HAPLN1: variants seen among roughly 807,000 people sequenced by gnomAD.
HAPLN1 encodes the protein hyaluronan and proteoglycan link protein 1.
In HAPLN1, 13 loss-of-function variants were observed where a neutral mutation model predicts 36.5. The ratio of observed to expected loss-of-function variants is 0.36; its 90% confidence interval spans 0.23 to 0.57. The LOEUF is 0.57. Among genes scored for constraint, HAPLN1 ranks in the 20% least tolerant of loss-of-function variants. HAPLN1 has a pLI of 0.83. For synonymous variants in HAPLN1, 202 were observed against 169.8 expected (o/e 1.19, Z -1.48); for missense variants, 407 against 439.7 (o/e 0.93, Z 0.66).
rs969217028 is a variant in HAPLN1 at position 83,683,942 on chromosome 5, C to G, written c.-26-10393G>C. Among the ~76,000 whole-genome samples, 4 of 152,088 alleles carry G rather than the reference C, an allele frequency of 2.6e-5. No homozygotes were observed. The East Asian group carries it at 7.8e-4, about 30-fold the overall frequency. On this transcript the variant is annotated intron_variant, in intron 1 of 4. Transcript: ENST00000274341. ...AAACAGGGCCCCTACTGCTGAGAAG[C>G]AAACAGAAAAGAACAAGAGCAAAAC...
chr5:83,650,016 T>A (rs1750008069), intron 3 of HAPLN1, among the ~76,000 whole-genome samples: 2 of 152,212 alleles, frequency 1.3e-5, no homozygotes, highest in Non-Finnish European at 1.5e-5. Flanking sequence ...GGAGGCAGAT[T>A]TAACAGCTAC....
intron 1 of HAPLN1, among the ~76,000 whole-genome samples, chr5:83,714,589 C>T (rs1011061716): frequency 2.0e-5 from 3 of 151,988 alleles, no homozygotes; most frequent in African/African-American, 7.3e-5. Context: ...ACTTACATAC[C>T]TGAGAAAATA....
chr5:83,646,581 A>G (rs1749884047), intron 3 of HAPLN1, among the ~76,000 whole-genome samples: 1 of 152,242 alleles, frequency 6.6e-6, no homozygotes, highest in Admixed American at 6.5e-5. Context: ...GCAGAGACCC[A>G]AGAAGGCTTC....
In HAPLN1 at chr5:83,681,589, C is replaced by A. The variant is rs373000282; in HGVS notation, c.-26-8040G>T. On this transcript the variant is annotated intron_variant, in intron 1 of 4. Coordinates refer to ENST00000274341, the MANE Select transcript of HAPLN1 (RefSeq NM_001884.4). ...GCAGTGGTGAGATCACGTCTCACTG[C>A]ACCCTCAACCTCCTGGGCTCAAGTG... Among the ~76,000 whole-genome samples, 252 of 152,072 alleles carry A rather than the reference C, an allele frequency of 1.7e-3. 1 individual carries two copies. Among genetic ancestry groups the A allele is most frequent in the Non-Finnish European group, 2.9e-3 (199 of 67,988 alleles).
intron 2 of HAPLN1, among the ~76,000 whole-genome samples, chr5:83,670,531 G>A (rs1721170203): frequency 1.3e-5 from 2 of 152,198 alleles, no homozygotes; most frequent in South Asian, 4.1e-4. Flanking sequence ...ATGGATTAGT[G>A]TGTGTGAAAT....
intron 1 of HAPLN1, among the ~76,000 whole-genome samples, chr5:83,685,242 A>T (rs1187219217): frequency 6.6e-6 from 1 of 152,224 alleles, no homozygotes; most frequent in African/African-American, 2.4e-5. Flanking sequence ...AAGCTCCAGG[A>T]GGGTAGAAAC....
intron 1 of HAPLN1, among the ~76,000 whole-genome samples, chr5:83,679,859 G>A (rs550037946): frequency 9.9e-5 from 15 of 152,262 alleles, no homozygotes; most frequent in African/African-American, 2.4e-4. Flanking sequence ...AAGAGTTGAC[G>A]TCAAATGTCC....
chr5:83,647,864 T>A (rs1252423443), intron 3 of HAPLN1, among the ~76,000 whole-genome samples: 1 of 152,178 alleles, frequency 6.6e-6, no homozygotes, highest in Non-Finnish European at 1.5e-5. Context: ...AATATTACCT[T>A]CCTTAGTGCC....
intron 2 of HAPLN1, among the ~76,000 whole-genome samples, chr5:83,667,737 A>G (rs552232040): frequency 5.7e-4 from 86 of 152,202 alleles, no homozygotes; most frequent in African/African-American, 2.0e-3. Context: ...AGATTCACCC[A>G]CTCCTTGTGA....
At chr5:83,706,601 A>G (rs1487023318) in intron 1 of HAPLN1, among the ~76,000 whole-genome samples, 1 of 152,212 alleles carries the variant, frequency 6.6e-6, no homozygotes, top group Non-Finnish European at 1.5e-5. Flanking sequence ...AGAACCATCT[A>G]TAACAAACCC....
intron 2 of HAPLN1, among the ~76,000 whole-genome samples, chr5:83,669,510 A>C (rs1750643832): frequency 6.6e-6 from 1 of 152,120 alleles, no homozygotes; most frequent in Non-Finnish European, 1.5e-5. Flanking sequence ...AAAATAAATA[A>C]ATAAATAAAA....
At chr5:83,676,620 TAAATAAATC>T (rs776094655) in intron 1 of HAPLN1, among the ~76,000 whole-genome samples, 16 of 152,192 alleles carry the variant, frequency 1.1e-4, no homozygotes, top group Non-Finnish European at 1.9e-4. Flanking sequence ...GTCATGTGAG[TAAATAAATC>T]TGAGTCCTGC....
intron 1 of HAPLN1, among the ~76,000 whole-genome samples, chr5:83,693,659 C>T (rs907066500): frequency 1.3e-5 from 2 of 151,492 alleles, no homozygotes; most frequent in Admixed American, 6.6e-5. Context: ...TAACACTAAC[C>T]AAAAGGGAGA....
intron 4 of HAPLN1, 101 bp from the exon 5 acceptor site, chr5:83,641,886 A>G (rs1366063862): frequency 3.1e-5 from 37 of 1,210,562 alleles, no homozygotes; most frequent in Admixed American, 2.2e-4. Context: ...GAAGGGGGAT[A>G]TAGAGCAATG....
chr5:83,696,297 A>C (rs917349611), intron 1 of HAPLN1, among the ~76,000 whole-genome samples: 7 of 152,174 alleles, frequency 4.6e-5, no homozygotes, highest in African/African-American at 1.7e-4. Context: ...TTCATAAAAC[A>C]GGCTCAATAT....
intron 4 of HAPLN1, among the ~76,000 whole-genome samples, chr5:83,643,294 G>A (rs1156595505): frequency 6.7e-6 from 1 of 150,142 alleles, no homozygotes; most frequent in Non-Finnish European, 1.5e-5. Context: ...AGGTTGCAGT[G>A]AGCCCAGGTC....
chr5:83,683,719 G>A (rs986249727), intron 1 of HAPLN1, among the ~76,000 whole-genome samples: 2 of 152,142 alleles, frequency 1.3e-5, no homozygotes, highest in African/African-American at 4.8e-5. Flanking sequence ...TCTAAAAATT[G>A]TAGAAAAACC....
intron 1 of HAPLN1, among the ~76,000 whole-genome samples, chr5:83,705,453 TAAAC>T (rs1270916809): frequency 2.0e-5 from 3 of 148,872 alleles, no homozygotes; most frequent in Non-Finnish European, 4.5e-5. Flanking sequence ...ACATGGAAAT[TAAAC>T]AACGTGCTCA....
chr5:83,648,112 C>T (rs766887831), intron 3 of HAPLN1, among the ~76,000 whole-genome samples: 3 of 151,962 alleles, frequency 2.0e-5, no homozygotes, highest in Admixed American at 1.3e-4. Flanking sequence ...TTCCTAGTGA[C>T]ACTCTTTTGT....
Sources: allele counts gnomAD v4.1 joint callset (sites outside exome capture counted in the v4.1 genomes callset), GRCh38; gene constraint gnomAD v4.1.1; transcripts MANE v1.5; gene names NCBI Gene and HGNC (gene_info 2026-07-23, HGNC 2026-07-21).